The following OPCML variants were observed in gnomAD, a reference collection of about 807,000 sequenced individuals.
OPCML encodes the protein opioid binding protein/cell adhesion molecule like.
In OPCML, 13 loss-of-function variants were observed where a neutral mutation model predicts 37.8. The observed-to-expected ratio is 0.34, with a 90% CI of 0.22 to 0.55. The LOEUF is 0.55. OPCML is among the 20% of genes least tolerant of loss of function. The pLI, the probability that OPCML is intolerant of heterozygous loss-of-function variation, is 0.91. For missense variants in OPCML, 341 were observed against 435.6 expected, an observed-to-expected ratio of 0.78 and a Z score of 1.93; for synonymous variants, 176 against 168.8, an observed-to-expected ratio of 1.04 and a Z score of -0.33.
chr11:132,724,417 T>C (rs1944794011), intron 2 of OPCML, among the ~76,000 whole-genome samples: 3 of 152,144 alleles, frequency 2.0e-5, no homozygotes. Flanking sequence ...TTATTCACAA[T>C]CACGAGAACA....
At chr11:133,154,590 AAAC>A (rs1439190076) in intron 1 of OPCML, among the ~76,000 whole-genome samples, 1 of 149,320 alleles carries the variant, frequency 6.7e-6, no homozygotes, top group Non-Finnish European at 1.5e-5. Context: ...AAGTAAAAAA[AAAC>A]AGTATCTTAA....
chr11:133,293,201 C>G (rs1377471105), intron 1 of OPCML, among the ~76,000 whole-genome samples: 1 of 151,946 alleles, frequency 6.6e-6, no homozygotes, highest in East Asian at 1.9e-4. Flanking sequence ...TGAGCAGACA[C>G]ATGCAAAGGA....
At chr11:132,713,893 T>C (rs1944365794) in intron 2 of OPCML, among the ~76,000 whole-genome samples, 2 of 152,228 alleles carry the variant, frequency 1.3e-5, no homozygotes, top group Non-Finnish European at 2.9e-5. Context: ...AATGATCCCC[T>C]TTCCTATTTC....
At chr11:133,201,869 AC>A (rs1170897596) in intron 1 of OPCML, among the ~76,000 whole-genome samples, 1 of 152,100 alleles carries the variant, frequency 6.6e-6, no homozygotes, top group Non-Finnish European at 1.5e-5. Context: ...TTACCTCCTA[AC>A]TTTTTAGGTC....
intron 2 of OPCML, among the ~76,000 whole-genome samples, chr11:132,924,125 C>CTG (rs1384675928): frequency 3.8e-5 from 3 of 78,564 alleles, no homozygotes; most frequent in Admixed American, 9.9e-5. Flanking sequence ...GGAAAAAAAA[C>CTG]TATGTGTGTG....
intron 1 of OPCML, among the ~76,000 whole-genome samples, chr11:133,287,276 T>TTTCTTTC (rs201993034): frequency 7.8e-6 from 1 of 128,174 alleles, no homozygotes; most frequent in African/African-American, 3.3e-5. Flanking sequence ...TCTTTCTTTC[T>TTTCTTTC]TTTTTTTTTT....
chr11:133,409,696 C>T (rs1378685484), intron 1 of OPCML, among the ~76,000 whole-genome samples: 4 of 152,098 alleles, frequency 2.6e-5, no homozygotes, highest in African/African-American at 7.2e-5. Flanking sequence ...ATAACCTATT[C>T]AGAATAAGAA....
At chr11:133,358,180 A>T (rs1286426267) in intron 1 of OPCML, among the ~76,000 whole-genome samples, 1 of 152,230 alleles carries the variant, frequency 6.6e-6, no homozygotes, top group African/African-American at 2.4e-5. Flanking sequence ...AATGTTTATC[A>T]TTTAATCTAT....
At chr11:132,852,551 T>A (rs1941856745) in intron 2 of OPCML, among the ~76,000 whole-genome samples, 1 of 151,592 alleles carries the variant, frequency 6.6e-6, no homozygotes. Flanking sequence ...GTCAAAGCAG[T>A]GGCACCAAAC....
At chr11:133,007,000 C>A (rs1947126222) in intron 1 of OPCML, 1 of 985,328 alleles carries the variant, frequency 1.0e-6, no homozygotes, top group Non-Finnish European at 1.2e-6. Flanking sequence ...CTAAAGCAAT[C>A]ATATTCACTT....
intron 1 of OPCML, among the ~76,000 whole-genome samples, chr11:133,161,366 G>A (rs1468904345): frequency 5.9e-5 from 9 of 152,220 alleles, no homozygotes; most frequent in Admixed American, 1.3e-4. Context: ...GAAAGTGTTC[G>A]TAATGGACGT....
chr11:132,439,889 G>A (rs1327923942), intron 4 of OPCML, among the ~76,000 whole-genome samples: 3 of 152,266 alleles, frequency 2.0e-5, no homozygotes, highest in South Asian at 2.1e-4. Context: ...CAGGGTCAAC[G>A]TTCCCCTTTC....
At chr11:132,775,623 A>C (rs751018891) in intron 2 of OPCML, among the ~76,000 whole-genome samples, 3 of 152,118 alleles carry the variant, frequency 2.0e-5, no homozygotes, top group African/African-American at 7.2e-5. Context: ...CAGTGACGCA[A>C]TGATGTCCTC....
intron 3 of OPCML, among the ~76,000 whole-genome samples, chr11:132,555,558 C>A (rs1190172645): frequency 1.3e-5 from 2 of 151,990 alleles, no homozygotes; most frequent in Non-Finnish European, 2.9e-5. Context: ...GGGGTCATAG[C>A]CAAACCATAT....
Position 132,667,883 on chromosome 11 carries a change from T to C in OPCML, c.147-10564A>G, listed in dbSNP as rs569643820. 2.6e-5 allele frequency among the ~76,000 whole-genome samples: 4 copies of C among 152,362 alleles called. No individual in the cohort carries two copies. In the South Asian group the frequency reaches 6.2e-4, roughly 24 times the overall value. Reference sequence around the variant, plus strand: ...TGGTCAAGAATTTGTAGTGACAATATTCTGCTAGCTTTGAGAATATTCTCC... The same window carrying C: ...TGGTCAAGAATTTGTAGTGACAATACTCTGCTAGCTTTGAGAATATTCTCC... On this transcript the variant is annotated intron_variant, in intron 2 of 7. Coordinates refer to ENST00000524381, the MANE Select transcript of OPCML (RefSeq NM_001012393.5).
chr11:133,262,056 T>G (rs955721146), intron 1 of OPCML, among the ~76,000 whole-genome samples: 1 of 152,184 alleles, frequency 6.6e-6, no homozygotes, highest in South Asian at 2.1e-4. Flanking sequence ...TTTCTTTCTT[T>G]TTTTGAAAAA....
chr11:133,338,994 C>G (rs1283135628), intron 1 of OPCML, among the ~76,000 whole-genome samples: 1 of 152,182 alleles, frequency 6.6e-6, no homozygotes, highest in Admixed American at 6.5e-5. Flanking sequence ...CTGAGCGTGT[C>G]CAGCTGACAA....
intron 2 of OPCML, chr11:132,810,914 T>G (rs564247270): frequency 1.2e-4 from 18 of 152,368 alleles, no homozygotes; most frequent in African/African-American, 4.1e-4. Flanking sequence ...ATTTCTTTCC[T>G]GTTTATAAAG....
chr11:133,088,636 A>G (rs1948855370), intron 1 of OPCML, among the ~76,000 whole-genome samples: 1 of 152,220 alleles, frequency 6.6e-6, no homozygotes. Flanking sequence ...AGTTTAATTC[A>G]AATAGTGGAT....
Sources: gnomAD v4.1 joint callset for allele counts (sites outside exome capture counted in the v4.1 genomes callset) on GRCh38, gnomAD v4.1.1 for gene constraint, MANE v1.5 for transcripts, NCBI Gene and HGNC (gene_info 2026-07-23, HGNC 2026-07-21) for gene names.